Variants in DIP2C observed in about 807,000 individuals in gnomAD.
DIP2C encodes the protein DIP2 acetate--CoA ligase C (putative).
DIP2C carries 33 observed loss-of-function variants against 192.4 expected under a neutral mutation model. That is an observed-to-expected ratio of 0.17 (90% confidence interval 0.13 to 0.23). The LOEUF (loss-of-function observed/expected upper bound fraction) is 0.23. DIP2C is among the 10% of genes least tolerant of loss of function. DIP2C has a pLI of 1.00. For synonymous variants in DIP2C, 979 were observed against 864.1 expected (o/e 1.13, Z -2.33); for missense variants, 1,537 against 2,110.1 (o/e 0.73, Z 5.32).
intron 1 of DIP2C, among the ~76,000 whole-genome samples, chr10:491,467 G>A (rs563777734): frequency 4.6e-5 from 7 of 152,302 alleles, no homozygotes; most frequent in African/African-American, 1.4e-4. Context: ...TTAAATCTCC[G>A]ATAGGCTTCT....
rs147833577 is a variant in DIP2C at position 583,271 on chromosome 10, C to T, written c.86-96741G>A. 5.3e-5 allele frequency among the ~76,000 whole-genome samples: 8 copies of T among 152,302 alleles called. No individual in the cohort carries two copies. The South Asian group carries it at 6.2e-4, about 12-fold the overall frequency. On this transcript the variant is annotated intron_variant, in intron 1 of 36. Coordinates refer to ENST00000280886, the MANE Select transcript of DIP2C (RefSeq NM_014974.3). ...AAGCAAACACGGCATATCACTAAAG[C>T]GCAAAGGAGAACGGAGCACCTCTCT...
intron 1 of DIP2C, among the ~76,000 whole-genome samples, chr10:520,965 A>AG (rs1388290507): frequency 2.0e-5 from 3 of 152,236 alleles, no homozygotes; most frequent in Non-Finnish European, 4.4e-5. Flanking sequence ...CAGTGAATTC[A>AG]GGCACTCAAA....
chr10:669,436 G>C (rs1325436111), intron 1 of DIP2C: 1 of 152,192 alleles, frequency 6.6e-6, no homozygotes, highest in Non-Finnish European at 1.5e-5. Flanking sequence ...TAAGCCCGTG[G>C]TAACAGTGTT....
At chr10:563,515 T>A (rs1023877623) in intron 1 of DIP2C, among the ~76,000 whole-genome samples, 22 of 152,122 alleles carry the variant, frequency 1.4e-4, no homozygotes, top group African/African-American at 5.3e-4. Flanking sequence ...TACGTCAACA[T>A]CCCAAACTAA....
chr10:420,111 C>T lies in DIP2C; in HGVS notation c.605-912G>A, dbSNP rs146067518. On this transcript the variant is annotated intron_variant, in intron 5 of 36. Transcript: ENST00000280886. ...TGTCCCACGCAACAGAAGGGCGGTA[C>T]TTTGTGTCGCTGAAAGTGGGGCTCA... Among the ~76,000 whole-genome samples, 914 of 152,366 alleles carry T rather than the reference C, an allele frequency of 6.0e-3. 3 individuals carry two copies. The highest frequency in any genetic ancestry group is 0.014 in the East Asian group (70 of 5,182).
At position 595,439 on chromosome 10, in the gene DIP2C, T is replaced by C. The variant is rs140214091; in HGVS notation, c.85+94055A>G. On this transcript the variant is annotated intron_variant, in intron 1 of 36. Coordinates refer to ENST00000280886, the MANE Select transcript of DIP2C (RefSeq NM_014974.3). Reference sequence around the variant, plus strand: ...TGAAACCATGAAGAAAAAGTGAGTATCTCAATATGTGTTTCCAGACTGTGG... The same window carrying C: ...TGAAACCATGAAGAAAAAGTGAGTACCTCAATATGTGTTTCCAGACTGTGG... Among the ~76,000 whole-genome samples the C allele has an allele frequency of 2.5e-3, 386 of 152,238 alleles. 1 individual carries two copies. The highest frequency in any genetic ancestry group is 0.01 in the Middle Eastern group (3 of 294).
At chr10:640,791 G>A (rs1011483882) in intron 1 of DIP2C, among the ~76,000 whole-genome samples, 1 of 151,578 alleles carries the variant, frequency 6.6e-6, no homozygotes, top group Non-Finnish European at 1.5e-5. Flanking sequence ...AAGAGGGTGC[G>A]CAGGCTCCGA....
chr10:347,457 C>A (rs1186013934), intron 26 of DIP2C, among the ~76,000 whole-genome samples: 1 of 134,084 alleles, frequency 7.5e-6, no homozygotes, highest in Non-Finnish European at 1.6e-5. Context: ...AGACACATCG[C>A]GCATAGTTCT....
At chr10:353,005 G>A (rs749193476) in intron 24 of DIP2C, among the ~76,000 whole-genome samples, 7 of 152,110 alleles carry the variant, frequency 4.6e-5, no homozygotes, top group Non-Finnish European at 7.3e-5. Flanking sequence ...ACCATTCACC[G>A]CAGGTGACAG....
chr10:558,699 A>G (rs1192777307), intron 1 of DIP2C, among the ~76,000 whole-genome samples: 1 of 152,238 alleles, frequency 6.6e-6, no homozygotes, highest in East Asian at 1.9e-4. Flanking sequence ...ACACTGTAAC[A>G]TGCTTATCTA....
chr10:405,928 G>A (rs1020216695), intron 9 of DIP2C, among the ~76,000 whole-genome samples: 85 of 152,060 alleles, frequency 5.6e-4, no homozygotes, highest in African/African-American at 1.9e-3. Flanking sequence ...TTTTCTCCTC[G>A]AGAGCCCTTC....
rs200912485 is a variant in DIP2C, at chr10:382,777, G to A, written c.1877-16C>T. The A allele has an allele frequency of 1.3e-5, 21 of 1,563,672 alleles. No individual in the cohort carries two copies. In the Middle Eastern group the frequency reaches 5.0e-4, roughly 38 times the overall value. On this transcript the variant is annotated splice_polypyrimidine_tract_variant and intron_variant, in intron 16 of 36. Transcript: ENST00000280886. ...GAAATAGACCCTAGAGTGAAAGAGGGACAATGATCAGACAGCTGAAGCACT... is the reference window on the plus strand; with the variant it reads ...GAAATAGACCCTAGAGTGAAAGAGGAACAATGATCAGACAGCTGAAGCACT...
intron 25 of DIP2C, 143 bp from the exon 26 acceptor site, chr10:348,905 G>T: frequency 7.9e-7 from 1 of 1,272,910 alleles, no homozygotes; most frequent in Non-Finnish European, 1.1e-6. Context: ...CATCCTGGCG[G>T]GTTTTGTCAG....
At chr10:329,374 TC>T in intron 30 of DIP2C, 58 bp downstream of exon 30, 1 of 1,528,326 alleles carries the variant, frequency 6.5e-7, no homozygotes. Flanking sequence ...AGATGTGCCT[TC>T]TTAGAAAGGA....
chr10:489,438 G>C (rs558701392), intron 1 of DIP2C, among the ~76,000 whole-genome samples: 1 of 152,356 alleles, frequency 6.6e-6, no homozygotes, highest in South Asian at 2.1e-4. Flanking sequence ...TGGGAGGTGA[G>C]AGACTGACAG....
chr10:678,653 T>C (rs1164584463), intron 1 of DIP2C, among the ~76,000 whole-genome samples: 356 of 8,146 alleles, frequency 0.044, 1 homozygote, highest in Non-Finnish European at 0.11. Context: ...TCCCCGCACC[T>C]GTCCTCCCTG....
intron 9 of DIP2C, among the ~76,000 whole-genome samples, chr10:407,645 C>A (rs1465245266): frequency 6.6e-6 from 1 of 152,150 alleles, no homozygotes; most frequent in Non-Finnish European, 1.5e-5. Flanking sequence ...AGCAGCATTT[C>A]ACTGAGGTTT....
chr10:416,718 A>G (rs2133114673), intron 6 of DIP2C, among the ~76,000 whole-genome samples: 1 of 152,346 alleles, frequency 6.6e-6, no homozygotes, highest in East Asian at 1.9e-4. Flanking sequence ...AATAAATCAA[A>G]TGAACAAGAC....
chr10:303,864 T>G (rs1325184278), intron 32 of DIP2C, among the ~76,000 whole-genome samples: 1 of 152,112 alleles, frequency 6.6e-6, no homozygotes, highest in Non-Finnish European at 1.5e-5. Context: ...TGTTATAAAC[T>G]AATACACAGA....
Sources: gnomAD v4.1 joint callset for allele counts (sites outside exome capture counted in the v4.1 genomes callset) on GRCh38, gnomAD v4.1.1 for gene constraint, MANE v1.5 for transcripts, NCBI Gene and HGNC (gene_info 2026-07-23, HGNC 2026-07-21) for gene names.